SEC24B: variants seen among roughly 807,000 people sequenced by gnomAD.
SEC24B encodes the protein SEC24 homolog B, COPII component.
A neutral mutation model predicts 142.8 loss-of-function variants in SEC24B; 45 were observed. The observed-to-expected ratio is 0.32, with a 90% confidence interval of 0.25 to 0.40. SEC24B has a LOEUF of 0.40. Among genes scored for constraint, SEC24B ranks in the 10% least tolerant of loss-of-function variants. The pLI is 1.00. For synonymous variants in SEC24B, 574 were observed against 568.2 expected (o/e 1.01, Z -0.15); for missense variants, 1,409 against 1,526.8 (o/e 0.92, Z 1.29).
chr4:109,437,260 G>T (rs1461031882), intron 1 of SEC24B, among the ~76,000 whole-genome samples: 1 of 152,104 alleles, frequency 6.6e-6, no homozygotes, highest in Non-Finnish European at 1.5e-5. Context: ...TGCAGAATGA[G>T]AGTAGAGTGA....
chr4:109,521,314 C>A, intron 13 of SEC24B, 106 bp from the exon 14 acceptor site: 1 of 1,074,966 alleles, frequency 9.3e-7, no homozygotes, highest in Non-Finnish European at 1.4e-6. Flanking sequence ...TCCTCAGTTT[C>A]CAGTCCCCAG....
At chr4:109,495,431 C>CA (rs1735443503) in intron 6 of SEC24B, among the ~76,000 whole-genome samples, 1 of 152,124 alleles carries the variant, frequency 6.6e-6, no homozygotes, top group Non-Finnish European at 1.5e-5. Flanking sequence ...AGGATGCAGA[C>CA]ACACACGTGG....
intron 9 of SEC24B, 117 bp from the exon 10 acceptor site, chr4:109,513,630 C>T: frequency 1.5e-6 from 1 of 645,720 alleles, no homozygotes; most frequent in South Asian, 1.8e-5. Flanking sequence ...TAAATGTTCG[C>T]AGAACTGTTG....
intron 2 of SEC24B, among the ~76,000 whole-genome samples, chr4:109,469,136 A>G (rs748573977): frequency 1.3e-4 from 20 of 152,242 alleles, no homozygotes; most frequent in Non-Finnish European, 2.5e-4. Flanking sequence ...AAAAAAAAAG[A>G]AAATATTTAT....
intron 2 of SEC24B, among the ~76,000 whole-genome samples, chr4:109,472,224 A>T (rs540215140): frequency 6.6e-6 from 1 of 152,314 alleles, no homozygotes; most frequent in South Asian, 2.1e-4. Flanking sequence ...ATGTAGATTT[A>T]TTCAGTATAT....
intron 18 of SEC24B, among the ~76,000 whole-genome samples, chr4:109,528,766 T>TTTCA (rs1724557655): frequency 6.6e-6 from 1 of 152,252 alleles, no homozygotes; most frequent in Non-Finnish European, 1.5e-5. Flanking sequence ...GAAACAAGCC[T>TTTCA]TGCTATTTCC....
chr4:109,512,199 T>G, intron 9 of SEC24B, 116 bp downstream of exon 9: 1 of 940,648 alleles, frequency 1.1e-6, no homozygotes, highest in South Asian at 1.7e-5. Context: ...TCATGCCATT[T>G]TTAGTAGAGG....
intron 4 of SEC24B, among the ~76,000 whole-genome samples, chr4:109,481,995 T>C (rs1367915913): frequency 8.5e-5 from 13 of 152,246 alleles, no homozygotes; most frequent in African/African-American, 2.9e-4. Context: ...AATAATAGAA[T>C]CAGAATTCCT....
chr4:109,459,890 A>C (rs780913639), intron 1 of SEC24B, among the ~76,000 whole-genome samples: 1 of 152,200 alleles, frequency 6.6e-6, no homozygotes, highest in Non-Finnish European at 1.5e-5. Flanking sequence ...CTGACACTAC[A>C]GTGAAAGGTA....
rs1184341816 is a variant in SEC24B at position 109,433,847 on chromosome 4, C to T, written c.-23C>T. On this transcript the variant is annotated 5_prime_UTR_variant, in exon 1 of 24. Transcript: ENST00000265175. ...CTCCGCCCACCTCCCTGAAGCGGAG[C>T]CGCCGTCGCCACCAGCGCCGTCATG... is the stretch of plus-strand genomic sequence containing the variant. 1.6e-6 allele frequency: 2 copies of T among 1,289,742 alleles called. No individual in the cohort carries two copies. The highest frequency in any genetic ancestry group is 3.1e-5 in the African/African-American group (2 of 64,164). The allele number at this position is 1,289,742 out of a possible 1,614,324, so 79.9% of individuals were successfully genotyped here.
chr4:109,488,812 ATGTTATCTCGTTGT>A (rs1187290604), intron 4 of SEC24B: 1 of 167,452 alleles, frequency 6.0e-6, no homozygotes, highest in African/African-American at 2.4e-5. Flanking sequence ...TGGATGTGAA[ATGTTATCTCGTTGT>A]TTTGATTTTC....
intron 11 of SEC24B, 26 bp downstream of exon 11, chr4:109,516,666 T>TACATAC: frequency 8.3e-7 from 1 of 1,211,752 alleles, no homozygotes; most frequent in Non-Finnish European, 1.2e-6. Context: ...ATTCATACTA[T>TACATAC]ACATATGTGT....
intron 1 of SEC24B, among the ~76,000 whole-genome samples, chr4:109,444,429 T>C (rs1729238560): frequency 1.3e-5 from 2 of 151,880 alleles, no homozygotes; most frequent in South Asian, 4.2e-4. Flanking sequence ...TAGAGAATTT[T>C]TCAAACCAAA....
At chr4:109,510,251 A>G (rs993898032) in intron 8 of SEC24B, 140 bp downstream of exon 8, 1 of 461,510 alleles carries the variant, frequency 2.2e-6, no homozygotes, top group South Asian at 4.3e-5. Context: ...ACAACTTGGC[A>G]AACATTTTTT....
chr4:109,447,106 A>G (rs1729547084), intron 1 of SEC24B, among the ~76,000 whole-genome samples: 1 of 152,214 alleles, frequency 6.6e-6, no homozygotes, highest in African/African-American at 2.4e-5. Flanking sequence ...GATCTGAAGA[A>G]TAAGTTAAGA....
intron 11 of SEC24B, among the ~76,000 whole-genome samples, chr4:109,519,736 C>A (rs554417484): frequency 6.6e-6 from 1 of 152,284 alleles, no homozygotes; most frequent in African/African-American, 2.4e-5. Context: ...ATCTTAATAC[C>A]CTGATCAGTC....
Position 109,525,502 on chromosome 4 carries a change from A to G in SEC24B, c.2789A>G (p.Lys930Arg). The G allele has an allele frequency of 1.9e-6, 3 of 1,592,206 alleles. No homozygotes were observed. Among genetic ancestry groups the G allele is most frequent in the Non-Finnish European group, 2.6e-6 (3 of 1,171,116 alleles). Residue 930 changes from lysine to arginine, a missense_variant and splice_region_variant, in exon 16 of 24, where the codon AAA becomes AGA. By Grantham distance (26) the Lys-to-Arg change is conservative. Around this residue, in one of 2 missense-constraint regions of SEC24B, gnomAD observed 700 missense variants for 853.3 expected, o/e 0.82. Coordinates refer to ENST00000265175, the MANE Select transcript of SEC24B (RefSeq NM_006323.5). ...FEAVMRIRCTKGLSMHTFHGN... is the reference protein window; with the variant it reads ...FEAVMRIRCTRGLSMHTFHGN... The stretch of plus-strand genomic sequence containing the variant: ...GCTGTTATGAGAATAAGGTGTACTA[A>G]AGGTATGAAGTTGTAAAAGTTATAT...
chr4:109,492,810 G>A (rs1735150740), intron 5 of SEC24B, among the ~76,000 whole-genome samples: 1 of 151,934 alleles, frequency 6.6e-6, no homozygotes, highest in African/African-American at 2.4e-5. Flanking sequence ...GTACTACTGG[G>A]CTCAAGCCAT....
At chr4:109,480,728 C>T (rs569762190) in intron 3 of SEC24B, among the ~76,000 whole-genome samples, 3 of 152,250 alleles carry the variant, frequency 2.0e-5, no homozygotes, top group Non-Finnish European at 4.4e-5. Context: ...ATCCTCCCAC[C>T]TTGGCCTCCC....
Sources: allele counts gnomAD v4.1 joint callset (sites outside exome capture counted in the v4.1 genomes callset), GRCh38; gene constraint gnomAD v4.1.1; regional missense constraint gnomAD v4.1.1; transcripts MANE v1.5; gene names NCBI Gene and HGNC (gene_info 2026-07-23, HGNC 2026-07-21).